RBFOX3: variants seen among roughly 807,000 people sequenced by gnomAD.
RBFOX3 encodes RNA binding fox-1 homolog 3, also known as RNA binding protein fox-1 homolog 3.
RBFOX3 carries 17 observed loss-of-function variants against 48.7 expected under a neutral mutation model. The ratio of observed to expected loss-of-function variants is 0.35; its 90% CI spans 0.24 to 0.52. The LOEUF is 0.52. Among genes scored for constraint, RBFOX3 ranks in the 20% least tolerant of loss-of-function variants. The pLI is 0.94. For missense variants in RBFOX3, 382 were observed against 497.5 expected (o/e 0.77, Z 2.21); for synonymous variants, 212 against 209.5 (o/e 1.01, Z -0.10).
rs1324735249 is a variant in RBFOX3, at chr17:79,421,232, C to T, written c.-175+61222G>A. On this transcript the variant is annotated intron_variant, in intron 2 of 14. Transcript: ENST00000693108. This position sits in a 1 kb window ranked among gnomAD's most constrained non-coding sequence, Gnocchi z 4.5. The stretch of plus-strand genomic sequence containing the variant: ...GCCGCTTCTCTCAGCTGGTTCCACC[C>T]TGTGTCTTTTAGCTGTAATGAACCC... Among the ~76,000 whole-genome samples the T allele has an allele frequency of 1.3e-4, 20 of 152,224 alleles. No homozygotes were observed. The highest frequency in any genetic ancestry group is 2.8e-4 in the Non-Finnish European group (19 of 68,034).
rs552769152 is a variant in RBFOX3, at chr17:79,104,918, T to C, written c.361-792A>G. Reference sequence around the variant, plus strand: ...ATGGGGCTGTGCTGGCGTGCGGTGCTGAGCAACTGTTCAGGTCGTTTGGGC... The same window carrying C: ...ATGGGGCTGTGCTGGCGTGCGGTGCCGAGCAACTGTTCAGGTCGTTTGGGC... On this transcript the variant is annotated intron_variant, in intron 6 of 14. Transcript: ENST00000693108. 1.9e-3 allele frequency among the ~76,000 whole-genome samples: 8 copies of C among 4,214 alleles called. No homozygotes were observed. The South Asian group carries it at 0.067, about 35-fold the overall frequency. 2.8% of individuals were successfully genotyped at this position (4,214 alleles called of 152,430 possible).
Position 79,481,005 on chromosome 17 carries a change from T to C in RBFOX3, c.-175+1449A>G, listed in dbSNP as rs376032275. 0.012 allele frequency among the ~76,000 whole-genome samples: 1,863 copies of C among 152,222 alleles called. 12 individuals are homozygous for C. Among genetic ancestry groups the C allele is most frequent in the Middle Eastern group, 0.037 (11 of 294 alleles). ...AACAATGTAGGGCAGTCTGGATGGA[T>C]GAGCTACGGCAAGAAGACCCCAAGG... On this transcript the variant is annotated intron_variant, in intron 2 of 14. Coordinates refer to ENST00000693108, the MANE Select transcript of RBFOX3 (RefSeq NM_001350451.2). The surrounding 1 kb of genome is among the most constrained non-coding windows in gnomAD (Gnocchi z 5.4).
intron 2 of RBFOX3, among the ~76,000 whole-genome samples, chr17:79,312,143 G>A (rs1432217531): frequency 2.0e-5 from 3 of 152,196 alleles, no homozygotes; most frequent in Admixed American, 1.3e-4. Flanking sequence ...GGTTGTGTGT[G>A]CACAACGAGG....
chr17:79,263,468 G>A (rs1263646262), intron 3 of RBFOX3, among the ~76,000 whole-genome samples: 3 of 152,218 alleles, frequency 2.0e-5, no homozygotes, highest in South Asian at 2.1e-4. Flanking sequence ...TTTACCAGTC[G>A]TGGCGGGGCC....
chr17:79,484,287 T>C (rs2079193898), intron 1 of RBFOX3, among the ~76,000 whole-genome samples: 1 of 152,158 alleles, frequency 6.6e-6, no homozygotes, highest in East Asian at 1.9e-4. Flanking sequence ...AGAACCAGCA[T>C]CACAGAGAGC....
At chr17:79,382,780 C>T (rs2060086089) in intron 2 of RBFOX3, among the ~76,000 whole-genome samples, 1 of 152,192 alleles carries the variant, frequency 6.6e-6, no homozygotes, top group African/African-American at 2.4e-5. Context: ...CAGCCTGATG[C>T]AAAAGGAACA....
At chr17:79,396,246 G>C (rs1208222754) in intron 2 of RBFOX3, among the ~76,000 whole-genome samples, 1 of 152,208 alleles carries the variant, frequency 6.6e-6, no homozygotes, top group Non-Finnish European at 1.5e-5. Flanking sequence ...TTTGGACTGG[G>C]CAGAGCCGGG....
intron 4 of RBFOX3, among the ~76,000 whole-genome samples, chr17:79,126,733 G>A (rs1366819573): frequency 2.6e-5 from 4 of 152,168 alleles, no homozygotes; most frequent in Admixed American, 6.5e-5. Context: ...GAGACACCCA[G>A]CCCAGCCCGC....
the RBFOX3 span, among the ~76,000 whole-genome samples, chr17:79,644,346 A>G: frequency 6.6e-6 from 1 of 152,192 alleles, no homozygotes; most frequent in African/African-American, 2.4e-5. Context: ...CTATGATATC[A>G]AAAACTGATA....
chr17:79,448,454 G>C (rs1266407948), intron 2 of RBFOX3, among the ~76,000 whole-genome samples: 4 of 152,202 alleles, frequency 2.6e-5, no homozygotes, highest in African/African-American at 9.6e-5. Context: ...ATAAGAAACA[G>C]AAGAGAAGAA....
intron 5 of RBFOX3, among the ~76,000 whole-genome samples, chr17:79,113,235 G>A (rs1389828636): frequency 6.6e-6 from 1 of 152,106 alleles, no homozygotes; most frequent in Non-Finnish European, 1.5e-5. Context: ...CTGGGAGGAA[G>A]GAGCTCCTGG....
intron 4 of RBFOX3, among the ~76,000 whole-genome samples, chr17:79,166,514 G>C (rs747859892): frequency 6.6e-6 from 1 of 152,196 alleles, no homozygotes; most frequent in Non-Finnish European, 1.5e-5. Flanking sequence ...TGAGATGGGG[G>C]AAGGGAATGA....
chr17:79,106,136 CG>C (rs1279943092), intron 6 of RBFOX3, among the ~76,000 whole-genome samples: 1 of 152,114 alleles, frequency 6.6e-6, no homozygotes, highest in East Asian at 1.9e-4. Context: ...CCTGGGGGCC[CG>C]GGGGACACAG....
chr17:79,465,582 A>C (rs1322162706), intron 2 of RBFOX3, among the ~76,000 whole-genome samples: 1 of 152,084 alleles, frequency 6.6e-6, no homozygotes, highest in African/African-American at 2.4e-5. Flanking sequence ...CATGCACAAA[A>C]AAAAAAAAAA....
chr17:79,475,953 C>T lies in RBFOX3; in HGVS notation c.-175+6501G>A, dbSNP rs967440597. ...GAGAACGAAGAGCTATCGTGAGAAG[C>T]CACCCAGTCTGTGGCATTCTGTGAT... On this transcript the variant is annotated intron_variant, in intron 2 of 14. Coordinates refer to ENST00000693108, the MANE Select transcript of RBFOX3 (RefSeq NM_001350451.2). Among the ~76,000 whole-genome samples, 9 of 152,310 alleles carry T rather than the reference C, an allele frequency of 5.9e-5. No individual in the cohort carries two copies. The South Asian group carries it at 6.2e-4, about 11-fold the overall frequency.
intron 2 of RBFOX3, among the ~76,000 whole-genome samples, chr17:79,384,173 G>T (rs1483731466): frequency 3.3e-5 from 5 of 152,220 alleles, no homozygotes; most frequent in African/African-American, 7.2e-5. Context: ...CACTTTCTGG[G>T]GATGTCGGAA....
chr17:79,193,126 G>A (rs763136068), intron 4 of RBFOX3, among the ~76,000 whole-genome samples: 81 of 152,218 alleles, frequency 5.3e-4, no homozygotes, highest in Non-Finnish European at 1.0e-3. Context: ...TTGCTCGGTG[G>A]GGGCAGGGGC....
the RBFOX3 span, among the ~76,000 whole-genome samples, chr17:79,663,815 T>C: frequency 6.6e-6 from 1 of 151,992 alleles, no homozygotes; most frequent in Non-Finnish European, 1.5e-5. Flanking sequence ...GGTGATGTGA[T>C]AACATTGGCC....
chr17:79,256,938 CAAAACAAAACAAAAAA>C (rs1241738915), intron 3 of RBFOX3, among the ~76,000 whole-genome samples: 5 of 96,326 alleles, frequency 5.2e-5, no homozygotes, highest in Non-Finnish European at 1.0e-4. Context: ...AACAAACAAA[CAAAACAAAACAAAAAA>C]AAAACAAAAA....
Sources: gnomAD v4.1 joint callset for allele counts (sites outside exome capture counted in the v4.1 genomes callset) on GRCh38, gnomAD v4.1.1 for gene constraint, Gnocchi (gnomAD v3.1) non-coding constraint, MANE v1.5 for transcripts, NCBI Gene and HGNC (gene_info 2026-07-23, HGNC 2026-07-21) for gene names.